FOXK1: variants seen among roughly 807,000 people sequenced by gnomAD.
The protein encoded by FOXK1 is forkhead box K1.
FOXK1 carries 19 observed loss-of-function variants against 51.9 expected under a neutral mutation model. The ratio of observed to expected loss-of-function variants is 0.37; its 90% CI spans 0.26 to 0.54. The LOEUF (loss-of-function observed/expected upper bound fraction) is 0.54, where lower values mean the gene tolerates loss of function less well. Among genes scored for constraint, FOXK1 ranks in the 20% least tolerant of loss-of-function variants. The probability of loss-of-function intolerance (pLI) is 0.87; values close to 1 mark genes in which losing one functional copy is unlikely to be tolerated. For missense variants in FOXK1, 870 were observed against 1,032.7 expected (o/e 0.84, Z 2.16); for synonymous variants, 537 against 482.6 (o/e 1.11, Z -1.48).
intron 1 of FOXK1, among the ~76,000 whole-genome samples, chr7:4,721,401 G>A (rs1780308652): frequency 6.6e-6 from 1 of 152,090 alleles, no homozygotes; most frequent in Non-Finnish European, 1.5e-5. Context: ...CCCCCAGCCT[G>A]TTTCCTGCAG....
Position 4,757,159 on chromosome 7 carries a change from C to T in FOXK1, c.1216C>T (p.Arg406Cys), listed in dbSNP as rs1195126735. Residue 406 changes from arginine (R) to cysteine (C), a missense_variant, in exon 5 of 9, where the codon CGC (arginine) becomes TGC (cysteine). By Grantham distance (180) the Arg-to-Cys change is radical. This residue lies in a region of FOXK1 where 457 missense variants were observed against 510.8 expected (regional missense o/e 0.89). Transcript: ENST00000328914. The part of the protein sequence containing the change: ...KRRQRGVSCF[R>C]TPFGPLSSRS... ...GAGGCAGAGGGGTGTCTCCTGCTTC[C>T]GCACCCCCTTCGGGCCTCTGTCCTC... is the stretch of plus-strand genomic sequence containing the variant. 9 of 1,611,724 alleles carry T rather than the reference C, an allele frequency of 5.6e-6. No homozygotes were observed. Among genetic ancestry groups the T allele is most frequent in the East Asian group, 2.2e-5 (1 of 44,852 alleles).
chr7:4,716,230 C>CAAAA (rs773976151), intron 1 of FOXK1, among the ~76,000 whole-genome samples: 2 of 115,718 alleles, frequency 1.7e-5, no homozygotes. Context: ...ACCCTATCTA[C>CAAAA]AAAAAAAAAA....
intron 5 of FOXK1, among the ~76,000 whole-genome samples, chr7:4,757,505 C>T (rs1780870530): frequency 6.6e-6 from 1 of 151,226 alleles, no homozygotes; most frequent in Admixed American, 6.6e-5. Context: ...TGGCAGGTGC[C>T]TGTAATTCCA....
rs1780809856 is a variant in FOXK1 at position 4,753,928 on chromosome 7, A to C, written c.747-531A>C. 6.6e-6 allele frequency among the ~76,000 whole-genome samples: 1 copy of C among 152,148 alleles called. No homozygotes were observed. Among genetic ancestry groups the C allele is most frequent in the Non-Finnish European group, 1.5e-5 (1 of 68,026 alleles). On this transcript the variant is annotated intron_variant, in intron 2 of 8. Transcript: ENST00000328914. The surrounding 1 kb of genome is among the most constrained non-coding windows in gnomAD (Gnocchi z 4.9). ...AAACTGCAGGGGTCATCTCTTCCCGAGGGCGGTGTCTCCAGGAGAGCCACC... is the reference window on the plus strand; with the variant it reads ...AAACTGCAGGGGTCATCTCTTCCCGCGGGCGGTGTCTCCAGGAGAGCCACC...
At chr7:4,705,123 A>G (rs527822855) in intron 1 of FOXK1, among the ~76,000 whole-genome samples, 8 of 152,096 alleles carry the variant, frequency 5.3e-5, no homozygotes, top group Non-Finnish European at 1.2e-4. Flanking sequence ...GAGCCACTGC[A>G]CCTGGCCTAA....
chr7:4,758,735 C>G lies in FOXK1; in HGVS notation c.1245-316C>G, dbSNP rs1369150072. The G allele has an allele frequency of 5.8e-6, 2 of 342,636 alleles. No homozygotes were observed. The highest frequency in any genetic ancestry group is 4.3e-5 in the African/African-American group (2 of 46,722). 21.2% of individuals were successfully genotyped at this position (342,636 alleles called of 1,614,324 possible). On this transcript the variant is annotated intron_variant, in intron 5 of 8. Transcript: ENST00000328914. This position sits in a 1 kb window ranked among gnomAD's most constrained non-coding sequence, Gnocchi z 4.4. ...AGCTTATGTTTTTGGCACAGAAGGC[C>G]TGGGCCATTTTCATGGACACCTGGC...
chr7:4,743,614 G>A lies in FOXK1; in HGVS notation c.746+2591G>A, dbSNP rs570867438. 7.2e-5 allele frequency among the ~76,000 whole-genome samples: 11 copies of A among 152,324 alleles called. No individual in the cohort carries two copies. The highest frequency in any genetic ancestry group is 1.9e-4 in the East Asian group (1 of 5,182). ...TTGCATCTGAAGAAAGCAGTTGAGC[G>A]CAGTATATGTACTTAAGTCTTCACC... On this transcript the variant is annotated intron_variant, in intron 2 of 8. Transcript: ENST00000328914. This position sits in a 1 kb window ranked among gnomAD's most constrained non-coding sequence, Gnocchi z 5.3.
intron 2 of FOXK1, among the ~76,000 whole-genome samples, chr7:4,746,522 A>G (rs1029840438): frequency 6.6e-6 from 1 of 151,856 alleles, no homozygotes; most frequent in Non-Finnish European, 1.5e-5. Flanking sequence ...CTCTAAAAAA[A>G]AAAATTTTTT....
At position 4,768,287 on chromosome 7, in the gene FOXK1, C is replaced by T. The variant is rs1461695139; in HGVS notation, c.*5823C>T. 3 of 146,942 alleles carry T rather than the reference C, an allele frequency of 2.0e-5. No homozygotes were observed. Among genetic ancestry groups the T allele is most frequent in the East Asian group, 1.9e-4 (1 of 5,146 alleles). The allele number at this position is 146,942 out of a possible 1,614,324, so 9.1% of individuals were successfully genotyped here. ...AGCTGGGACTACAGGCGCCCGCTAC[C>T]ACGCCCGGCTAATTTTTTGTATTTT... On this transcript the variant is annotated 3_prime_UTR_variant, in exon 9 of 9. Coordinates refer to ENST00000328914, the MANE Select transcript of FOXK1 (RefSeq NM_001037165.2).
rs1256252993 is a variant in FOXK1, at chr7:4,709,495, C to T, written c.560+26627C>T. ...AGGCTGGCCCACCCCTGCTGGCCCG[C>T]GACCCCTGCTGGCAGATCGAGGCTG... On this transcript the variant is annotated intron_variant, in intron 1 of 8. Coordinates refer to ENST00000328914, the MANE Select transcript of FOXK1 (RefSeq NM_001037165.2). This position sits in a 1 kb window ranked among gnomAD's most constrained non-coding sequence, Gnocchi z 5.6. 6.6e-6 allele frequency among the ~76,000 whole-genome samples: 1 copy of T among 152,154 alleles called. No homozygotes were observed. Among genetic ancestry groups the T allele is most frequent in the Non-Finnish European group, 1.5e-5 (1 of 68,032 alleles).
At chr7:4,692,459 G>C (rs189928101) in intron 1 of FOXK1, among the ~76,000 whole-genome samples, 2 of 152,118 alleles carry the variant, frequency 1.3e-5, no homozygotes, top group African/African-American at 2.4e-5. Flanking sequence ...GCAGTGGCAC[G>C]ATCTCAGCTC....
At chr7:4,687,315 C>T (rs183398010) in intron 1 of FOXK1, among the ~76,000 whole-genome samples, 78 of 151,492 alleles carry the variant, frequency 5.1e-4, no homozygotes, top group East Asian at 2.5e-3. Context: ...TTTTTTGCAA[C>T]GGAGTCTCAC....
rs895757810 is a variant in FOXK1 at position 4,703,690 on chromosome 7, G to C, written c.560+20822G>C. Among the ~76,000 whole-genome samples, 3 of 152,130 alleles carry C rather than the reference G, an allele frequency of 2.0e-5. No homozygotes were observed. Among genetic ancestry groups the C allele is most frequent in the Non-Finnish European group, 2.9e-5 (2 of 68,030 alleles). ...TAGAGCTGCAGCTGGGGACTGGTGC[G>C]CCATGCAATTGACATAGCGCTGCTC... is the stretch of plus-strand genomic sequence containing the variant. On this transcript the variant is annotated intron_variant, in intron 1 of 8. Coordinates refer to ENST00000328914, the MANE Select transcript of FOXK1 (RefSeq NM_001037165.2). The surrounding 1 kb of genome is among the most constrained non-coding windows in gnomAD (Gnocchi z 5.6).
chr7:4,740,608 C>G (rs931242717), intron 1 of FOXK1, among the ~76,000 whole-genome samples: 1 of 151,838 alleles, frequency 6.6e-6, no homozygotes, highest in Non-Finnish European at 1.5e-5. Flanking sequence ...GACTCCCTCT[C>G]AAAAAATAAA....
rs1361303030 is a variant in FOXK1 at position 4,734,478 on chromosome 7, A to T, written c.561-6360A>T. ...TCGTCTGCTTCCTCCTTGCCCCTCA[A>T]ACTCCTTTGCCTCAGTCCCTGTCTT... is the stretch of plus-strand genomic sequence containing the variant. On this transcript the variant is annotated intron_variant, in intron 1 of 8. Coordinates refer to ENST00000328914, the MANE Select transcript of FOXK1 (RefSeq NM_001037165.2). This position sits in a 1 kb window ranked among gnomAD's most constrained non-coding sequence, Gnocchi z 5.2. Among the ~76,000 whole-genome samples the T allele has an allele frequency of 6.6e-6, 1 of 151,800 alleles. No homozygotes were observed. The highest frequency in any genetic ancestry group is 1.5e-5 in the Non-Finnish European group (1 of 67,946).
chr7:4,686,125 T>C (rs1429763969), intron 1 of FOXK1, among the ~76,000 whole-genome samples: 2 of 152,212 alleles, frequency 1.3e-5, no homozygotes, highest in Non-Finnish European at 2.9e-5. Flanking sequence ...CTCTCCGGCT[T>C]TGGTACCTGG....
At chr7:4,696,115 CAAAAAA>C (rs1192472036) in intron 1 of FOXK1, among the ~76,000 whole-genome samples, 1 of 80,142 alleles carries the variant, frequency 1.2e-5, no homozygotes, top group Admixed American at 1.5e-4. Flanking sequence ...GACTGTGTCT[CAAAAAA>C]AAAAAAAAAA....
chr7:4,709,907 TGAACACGGAA>T lies in FOXK1; in HGVS notation c.560+27051_560+27060del, dbSNP rs1224256451. ...CACTTAGAACAACGCGTGACACGTTTGAACACGGAAGAACACGGAAGCCTGTGTGTTAGGC... is the reference window on the plus strand; with the variant it reads ...CACTTAGAACAACGCGTGACACGTTTGAACACGGAAGCCTGTGTGTTAGGC... On this transcript the variant is annotated intron_variant, in intron 1 of 8. Transcript: ENST00000328914. The surrounding 1 kb of genome is among the most constrained non-coding windows in gnomAD (Gnocchi z 5.6). Among the ~76,000 whole-genome samples the T allele has an allele frequency of 6.6e-6, 1 of 152,194 alleles. No individual in the cohort carries two copies. Among genetic ancestry groups the T allele is most frequent in the Non-Finnish European group, 1.5e-5 (1 of 68,032 alleles).
Position 4,753,720 on chromosome 7 carries a change from G to C in FOXK1, c.747-739G>C, listed in dbSNP as rs546748734. 2.0e-5 allele frequency among the ~76,000 whole-genome samples: 3 copies of C among 152,328 alleles called. No individual in the cohort carries two copies. The highest frequency in any genetic ancestry group is 4.1e-4 in the South Asian group (2 of 4,834). On this transcript the variant is annotated intron_variant, in intron 2 of 8. Transcript: ENST00000328914. This position sits in a 1 kb window ranked among gnomAD's most constrained non-coding sequence, Gnocchi z 4.9. ...TGCTGACGGAAGCCTGCCTTAGTGA[G>C]TTAGGGAAGCAGGCCAGAGCACACC...
Sources: allele counts gnomAD v4.1 joint callset (sites outside exome capture counted in the v4.1 genomes callset), GRCh38; gene constraint gnomAD v4.1.1; regional missense constraint gnomAD v4.1.1; non-coding constraint Gnocchi (gnomAD v3.1); transcripts MANE v1.5; gene names NCBI Gene and HGNC (gene_info 2026-07-23, HGNC 2026-07-21).